The following TAF15 variants were observed in gnomAD, a reference collection of about 807,000 sequenced individuals.
TAF15 encodes TATA-binding protein-associated factor 2N.
TAF15 carries 37 observed loss-of-function variants against 102.5 expected under a neutral mutation model. That is an observed-to-expected ratio of 0.36 (90% confidence interval 0.28 to 0.47). The LOEUF (loss-of-function observed/expected upper bound fraction) is 0.47, where lower values mean the gene tolerates loss of function less well. Among genes scored for constraint, TAF15 ranks in the 20% least tolerant of loss-of-function variants. The probability of loss-of-function intolerance (pLI) is 0.99; values close to 1 mark genes in which losing one functional copy is unlikely to be tolerated. For missense variants in TAF15, 652 were observed against 760.7 expected (o/e 0.86, Z 1.68); for synonymous variants, 273 against 259.2 (o/e 1.05, Z -0.51).
At chr17:35,843,977 C>T in intron 12 of TAF15, 100 bp from the exon 13 acceptor site, 1 of 1,036,326 alleles carries the variant, frequency 9.6e-7, no homozygotes, top group South Asian at 1.3e-5. Flanking sequence ...AGAGTGCTGC[C>T]TAAGTATTGA....
chr17:35,831,358 G>A (rs1321348021), intron 7 of TAF15, among the ~76,000 whole-genome samples: 2 of 149,626 alleles, frequency 1.3e-5, no homozygotes, highest in African/African-American at 2.5e-5. Flanking sequence ...AGTGAGCCGA[G>A]ATCGCGCCAC....
rs4251785 is a variant in TAF15 at position 35,844,586 on chromosome 17, A to G, written c.1287A>G (p.Gly429=). The change falls in exon 15 of 16, where the codon GGA becomes GGG. Residue 429 remains glycine (G), a synonymous_variant. Transcript: ENST00000605844. ...GGDRSGGGYG[G]DRSSGGGYSG... Reference sequence around the variant, plus strand: ...ACAGAAGTGGGGGTGGCTATGGTGGAGACAGAAGCAGCGGTGGTGGCTACA... The same window carrying G: ...ACAGAAGTGGGGGTGGCTATGGTGGGGACAGAAGCAGCGGTGGTGGCTACA... The G allele has an allele frequency of 0.12, 199,186 of 1,598,486 alleles. 14,446 individuals are homozygous for G. The highest frequency in any genetic ancestry group is 0.23 in the South Asian group (20,557 of 90,004).
chr17:35,845,598 C>T (rs565584308), intron 15 of TAF15, among the ~76,000 whole-genome samples: 5 of 152,218 alleles, frequency 3.3e-5, no homozygotes, highest in Non-Finnish European at 5.9e-5. Flanking sequence ...CTGCAAGCCC[C>T]GCCTCCTGGG....
At chr17:35,830,440 A>C (rs578101836) in intron 7 of TAF15, 2 of 148,718 alleles carry the variant, frequency 1.3e-5, no homozygotes, top group African/African-American at 5.1e-5. Flanking sequence ...ATTAAAGCAA[A>C]TTTGTTGTGT....
intron 12 of TAF15, among the ~76,000 whole-genome samples, chr17:35,843,409 C>T (rs144826055): frequency 8.9e-4 from 136 of 152,314 alleles, no homozygotes; most frequent in African/African-American, 3.0e-3. Context: ...CAGGTGTGAG[C>T]CACTGCACCC....
intron 6 of TAF15, among the ~76,000 whole-genome samples, chr17:35,823,219 A>C (rs2087284540): frequency 6.6e-6 from 1 of 152,186 alleles, no homozygotes; most frequent in African/African-American, 2.4e-5. Flanking sequence ...TGTAAGTGTA[A>C]GTAAGTGCTT....
intron 5 of TAF15, among the ~76,000 whole-genome samples, 180 bp from the exon 6 acceptor site, chr17:35,822,460 C>T (rs932819024): frequency 2.0e-5 from 3 of 151,908 alleles, no homozygotes; most frequent in Non-Finnish European, 4.4e-5. Context: ...TCAATGTTGG[C>T]AGAATCGTCT....
At position 35,846,898 on chromosome 17, in the gene TAF15, A is replaced by G. The variant is rs779344916; in HGVS notation, c.1740-8A>G. On this transcript the variant is annotated splice_polypyrimidine_tract_variant and splice_region_variant and intron_variant, in intron 15 of 15. Transcript: ENST00000605844. ...AATTTAGTCCGGCTCTTTATTTTTC[A>G]TTCCTAGAAACGACTACAGAAATGA... 1.2e-6 allele frequency: 2 copies of G among 1,614,118 alleles called. No homozygotes were observed. The highest frequency in any genetic ancestry group is 2.2e-5 in the East Asian group (1 of 44,880).
In TAF15 at chr17:35,844,323, C is replaced by G. The variant is rs1264303915; in HGVS notation, c.1132C>G (p.Gln378Glu). 1 of 1,614,216 alleles carries G rather than the reference C, an allele frequency of 6.2e-7. No homozygotes were observed. The change falls in exon 14 of 16, where the codon CAG (glutamine) becomes GAG (glutamate). Residue 378 changes from glutamine (Q) to glutamate (E), a missense_variant. Coordinates refer to ENST00000605844, the MANE Select transcript of TAF15 (RefSeq NM_139215.3). ...CTTTGCTCGAAGGAATTCCTGCAAT[C>G]AGTGCAATGAGCCTAGACCAGAGGA... Reference protein sequence around the residue: ...MNFARRNSCNQCNEPRPEDSR... With the variant: ...MNFARRNSCNECNEPRPEDSR...
intron 9 of TAF15, 142 bp downstream of exon 9, chr17:35,834,740 C>CTTTGTTTTTT (rs2087451730): frequency 4.7e-6 from 1 of 212,936 alleles, no homozygotes; most frequent in Non-Finnish European, 7.9e-6. Context: ...AGCTTTATTT[C>CTTTGTTTTTT]TTTTTTTTTT....
chr17:35,836,217 C>T lies in TAF15; in HGVS notation c.759C>T (p.Phe253=), dbSNP rs760117798. ...EGVSTDQVGE[F]FKQIGIIKTN... ...TGTCTACAGATCAAGTTGGGGAGTT[C>T]TTTAAACAAATAGGAATTATCAAGG... is the stretch of plus-strand genomic sequence containing the variant. Residue 253 remains phenylalanine (F), a synonymous_variant, in exon 10 of 16, where the codon TTC becomes TTT. Transcript: ENST00000605844. The T allele has an allele frequency of 6.2e-7, 1 of 1,611,414 alleles. No individual in the cohort carries two copies. The highest frequency in any genetic ancestry group is 2.2e-5 in the East Asian group (1 of 44,796).
At position 35,834,411 on chromosome 17, in the gene TAF15, A is replaced by G. The variant is rs2087444968; in HGVS notation, c.641-155A>G. 8.8e-6 allele frequency: 6 copies of G among 684,888 alleles called. No individual in the cohort carries two copies. The South Asian group carries it at 1.2e-4, about 13-fold the overall frequency. The allele number at this position is 684,888 out of a possible 1,614,324, so 42.4% of individuals were successfully genotyped here. A position where few individuals can be genotyped will look rare whatever the true frequency, so the allele number is the denominator to read the frequency against. Reference sequence around the variant, plus strand: ...TGATTTCCTAAACTTTAAATAAAACATAATTTATATATTTACTTTGTAAAT... The same window carrying G: ...TGATTTCCTAAACTTTAAATAAAACGTAATTTATATATTTACTTTGTAAAT... On this transcript the variant is annotated intron_variant, in intron 8 of 15. Coordinates refer to ENST00000605844, the MANE Select transcript of TAF15 (RefSeq NM_139215.3).
intron 5 of TAF15, among the ~76,000 whole-genome samples, chr17:35,820,836 C>T (rs2087249832): frequency 6.6e-6 from 1 of 152,088 alleles, no homozygotes; most frequent in Non-Finnish European, 1.5e-5. Context: ...AGGGTCAAAA[C>T]TTACGCATAT....
At chr17:35,815,691 T>C (rs1030272855) in intron 1 of TAF15, among the ~76,000 whole-genome samples, 6 of 152,238 alleles carry the variant, frequency 3.9e-5, no homozygotes, top group African/African-American at 1.4e-4. Flanking sequence ...ACAAATACCT[T>C]GTTTTACTCA....
At chr17:35,822,971 G>A (rs2087281882) in intron 6 of TAF15, 138 bp downstream of exon 6, 9 of 1,076,710 alleles carry the variant, frequency 8.4e-6, no homozygotes, top group African/African-American at 1.6e-5. Flanking sequence ...CCCTCTCATG[G>A]TAATCAAAAC....
intron 1 of TAF15, chr17:35,810,002 C>A (rs1015340354): frequency 6.3e-6 from 2 of 316,556 alleles, no homozygotes; most frequent in Non-Finnish European, 1.2e-5. Context: ...CTCGCCGCCT[C>A]GTACCTCAGT....
Position 35,834,605 on chromosome 17 carries a change from T to C in TAF15, c.673+7T>C, listed in dbSNP as rs767053038. ...GGACCCAGAACAGATGCTGGTAAGGTTTATGGTGGTTTGTCACTTTGCCAT... is the reference window on the plus strand; with the variant it reads ...GGACCCAGAACAGATGCTGGTAAGGCTTATGGTGGTTTGTCACTTTGCCAT... On this transcript the variant is annotated splice_region_variant and intron_variant, in intron 9 of 15. Coordinates refer to ENST00000605844, the MANE Select transcript of TAF15 (RefSeq NM_139215.3). The C allele has an allele frequency of 8.1e-6, 13 of 1,613,432 alleles. No homozygotes were observed. The East Asian group carries it at 2.9e-4, about 36-fold the overall frequency.
At chr17:35,813,121 A>AC (rs2087146882) in intron 1 of TAF15, among the ~76,000 whole-genome samples, 1 of 135,676 alleles carries the variant, frequency 7.4e-6, no homozygotes, top group Non-Finnish European at 1.6e-5. Flanking sequence ...CTGTCTCAAA[A>AC]AAAAAAAAAA....
At chr17:35,838,212 G>A (rs777927923) in intron 10 of TAF15, among the ~76,000 whole-genome samples, 7 of 152,032 alleles carry the variant, frequency 4.6e-5, no homozygotes, top group Non-Finnish European at 8.8e-5. Flanking sequence ...AGATAAAACA[G>A]TATACTATAT....
Sources: gnomAD v4.1 joint callset for allele counts (sites outside exome capture counted in the v4.1 genomes callset) on GRCh38, gnomAD v4.1.1 for gene constraint, MANE v1.5 for transcripts, NCBI Gene and HGNC (gene_info 2026-07-23, HGNC 2026-07-21) for gene names.